Variants in GRAMD1C observed in about 807,000 individuals in gnomAD.
GRAMD1C encodes GRAM domain containing 1C, also known as protein Aster-C.
Under a neutral mutation model 97.8 loss-of-function variants are expected in GRAMD1C, and 89 were observed. That is an observed-to-expected ratio of 0.91 (90% confidence interval 0.77 to 1.09). GRAMD1C has a LOEUF of 1.09. GRAMD1C is among the 50% of genes least tolerant of loss of function. GRAMD1C has a pLI of 0.00. For missense variants in GRAMD1C, 740 were observed against 766.4 expected, an observed-to-expected ratio of 0.97 and a Z score of 0.41; for synonymous variants, 256 against 267.0, an observed-to-expected ratio of 0.96 and a Z score of 0.40.
chr3:113,855,548 A>T (rs1433234248), intron 2 of GRAMD1C, among the ~76,000 whole-genome samples: 4 of 150,944 alleles, frequency 2.6e-5, no homozygotes, highest in South Asian at 2.1e-4. Flanking sequence ...TAATAAAAAT[A>T]AAAAAAATAA....
rs1937088989 is a variant in GRAMD1C, at chr3:113,922,320, G to C, written c.1090+6482G>C. On this transcript the variant is annotated intron_variant, in intron 10 of 17. Coordinates refer to ENST00000358160, the MANE Select transcript of GRAMD1C (RefSeq NM_017577.5). ...ACTCCTGAGCTCAAGCAATCTGCCT[G>C]CCTCAGCCTCCTAGAGTGCTGAGAT... is the stretch of plus-strand genomic sequence containing the variant. 2.6e-5 allele frequency among the ~76,000 whole-genome samples: 4 copies of C among 152,246 alleles called. No homozygotes were observed. In the South Asian group the frequency reaches 8.3e-4, roughly 32 times the overall value.
intron 6 of GRAMD1C, chr3:113,890,700 C>T: frequency 2.9e-6 from 2 of 690,696 alleles, no homozygotes; most frequent in Non-Finnish European, 5.3e-6. Context: ...GCAGACTATG[C>T]TTGGTTATAT....
upstream of GRAMD1C, chr3:113,838,604 A>G: frequency 3.0e-6 from 1 of 334,962 alleles, no homozygotes; most frequent in Non-Finnish European, 5.4e-6. Flanking sequence ...TTTCCGAGCA[A>G]TTCACCTTTT....
In GRAMD1C at chr3:113,838,932, G is replaced by T; in HGVS notation, c.23G>T (p.Arg8Leu). The change falls in exon 1 of 18, where the codon CGT becomes CTT. Residue 8 changes from arginine (R) to leucine (L), a missense_variant. Coordinates refer to ENST00000358160, the MANE Select transcript of GRAMD1C (RefSeq NM_017577.5). ...GCGATGGAGGGCGCTCCGACTGTCC[G>T]TCAGGTAAGCCGCGGGCCTCGCTGG... is the stretch of plus-strand genomic sequence containing the variant. The part of the protein sequence containing the change: MEGAPTV[R>L]QVMNEGDSSL... The T allele has an allele frequency of 9.1e-7, 1 of 1,100,376 alleles. No homozygotes were observed. Among genetic ancestry groups the T allele is most frequent in the South Asian group, 5.0e-5 (1 of 20,102 alleles). The allele number at this position is 1,100,376 out of a possible 1,614,324, so 68.2% of individuals were successfully genotyped here.
upstream of GRAMD1C, among the ~76,000 whole-genome samples, chr3:113,835,976 G>C (rs1001523746): frequency 2.6e-5 from 4 of 152,078 alleles, no homozygotes; most frequent in Admixed American, 2.0e-4. Flanking sequence ...TAAGAAATAT[G>C]CTCATGGCCA....
At chr3:113,828,273 C>A (rs73855290) in exon 1 of GRAMD1C, 7,515 of 152,212 alleles carry the variant, frequency 0.049, 545 homozygotes, top group African/African-American at 0.16. Context: ...ACCAGGTGCC[C>A]GGCCATGTAA....
At position 113,939,917 on chromosome 3, in the gene GRAMD1C, C is replaced by T. The variant is rs1937686827; in HGVS notation, c.1723C>T (p.Leu575=). ...VLLLVLLNVT[L]FLKLSKIEHA... ...GTTATTAGTTTTGTTGAATGTGACA[C>T]TGTTTCTGAAGCTGTCAAAGATAGA... Residue 575 remains leucine (L), a synonymous_variant, in exon 16 of 18, where the codon CTG becomes TTG. Coordinates refer to ENST00000358160, the MANE Select transcript of GRAMD1C (RefSeq NM_017577.5). 5 of 1,606,790 alleles carry T rather than the reference C, an allele frequency of 3.1e-6. No homozygotes were observed. The highest frequency in any genetic ancestry group is 4.3e-6 in the Non-Finnish European group (5 of 1,173,292).
intron 10 of GRAMD1C, among the ~76,000 whole-genome samples, chr3:113,925,305 T>C (rs1442288790): frequency 1.3e-5 from 2 of 152,078 alleles, no homozygotes; most frequent in Admixed American, 1.3e-4. Context: ...CTGGCTAACA[T>C]GGTGAAAACG....
At chr3:113,861,601 C>T (rs1934377458) in intron 2 of GRAMD1C, among the ~76,000 whole-genome samples, 1 of 152,120 alleles carries the variant, frequency 6.6e-6, no homozygotes, top group Non-Finnish European at 1.5e-5. Context: ...AAAATATCTG[C>T]AAATATTGGA....
chr3:113,878,024 C>T (rs1935116243), intron 5 of GRAMD1C, among the ~76,000 whole-genome samples: 1 of 152,184 alleles, frequency 6.6e-6, no homozygotes, highest in African/African-American at 2.4e-5. Context: ...AGGCGATCCG[C>T]TCACCTTGGC....
chr3:113,870,819 A>AT (rs558065664), intron 3 of GRAMD1C, among the ~76,000 whole-genome samples: 3,702 of 143,518 alleles, frequency 0.026, 111 homozygotes, highest in African/African-American at 0.072. Flanking sequence ...ATTTATAAGA[A>AT]TTTTTTTTTT....
intron 3 of GRAMD1C, among the ~76,000 whole-genome samples, chr3:113,873,183 C>T (rs1432400567): frequency 6.6e-6 from 1 of 151,532 alleles, no homozygotes; most frequent in Non-Finnish European, 1.5e-5. Context: ...TAGCTTGAAC[C>T]CAGAAGGCAG....
At chr3:113,833,117 TTTC>T (rs1313559070) in intron 1 of GRAMD1C, among the ~76,000 whole-genome samples, 39 of 132,972 alleles carry the variant, frequency 2.9e-4, no homozygotes, top group Admixed American at 1.2e-3. Flanking sequence ...TCTTTCTTTC[TTTC>T]TTTTTTTTTT....
chr3:113,859,660 A>G (rs1478456340), intron 2 of GRAMD1C, among the ~76,000 whole-genome samples: 2 of 152,212 alleles, frequency 1.3e-5, no homozygotes, highest in African/African-American at 4.8e-5. Flanking sequence ...AGAAAATCTT[A>G]ATAGACCTAT....
intron 3 of GRAMD1C, among the ~76,000 whole-genome samples, chr3:113,874,839 T>C (rs1399086245): frequency 6.6e-6 from 1 of 152,204 alleles, no homozygotes; most frequent in African/African-American, 2.4e-5. Flanking sequence ...CATCAACTTT[T>C]CTCTGGACTT....
intron 5 of GRAMD1C, among the ~76,000 whole-genome samples, chr3:113,878,759 A>G (rs1037916649): frequency 6.6e-6 from 1 of 152,052 alleles, no homozygotes; most frequent in African/African-American, 2.4e-5. Flanking sequence ...CATTATCCTT[A>G]ATATAGTTAC....
chr3:113,900,494 C>T (rs1242047997), intron 6 of GRAMD1C, among the ~76,000 whole-genome samples: 1 of 149,842 alleles, frequency 6.7e-6, no homozygotes, highest in Non-Finnish European at 1.5e-5. Flanking sequence ...AATCTTGGCT[C>T]ACTGCAACCT....
chr3:113,857,255 A>G (rs1448255176), intron 2 of GRAMD1C, among the ~76,000 whole-genome samples: 1 of 152,218 alleles, frequency 6.6e-6, no homozygotes, highest in Non-Finnish European at 1.5e-5. Flanking sequence ...GTGAGAGTGG[A>G]CATTCTTGCC....
intron 6 of GRAMD1C, chr3:113,885,387 G>A: frequency 1.9e-6 from 3 of 1,578,112 alleles, no homozygotes; most frequent in Admixed American, 1.7e-5. Flanking sequence ...TTTTGCGGGG[G>A]CAGATCCGCA....
Sources: allele counts gnomAD v4.1 joint callset (sites outside exome capture counted in the v4.1 genomes callset), GRCh38; gene constraint gnomAD v4.1.1; transcripts MANE v1.5; gene names NCBI Gene and HGNC (gene_info 2026-07-23, HGNC 2026-07-21).